HNRNPC: variants seen among roughly 807,000 people sequenced by gnomAD.
HNRNPC encodes heterogeneous nuclear ribonucleoprotein C, also known as heterogeneous nuclear ribonucleoproteins C1/C2.
A neutral mutation model predicts 33.2 loss-of-function variants in HNRNPC; 3 were observed. The observed-to-expected ratio is 0.09, with a 90% confidence interval of 0.04 to 0.23. The LOEUF (loss-of-function observed/expected upper bound fraction) is 0.23. Among genes scored for constraint, HNRNPC ranks in the 10% least tolerant of loss-of-function variants. The pLI is 1.00. For synonymous variants in HNRNPC, 121 were observed against 126.7 expected (o/e 0.96, Z 0.30); for missense variants, 143 against 366.7 (o/e 0.39, Z 4.98).
intron 2 of HNRNPC, chr14:21,254,646 C>T (rs1391060245): frequency 6.6e-6 from 1 of 152,184 alleles, no homozygotes; most frequent in East Asian, 1.9e-4. Flanking sequence ...TGGCTCACGC[C>T]TGTAATCCCA....
Position 21,226,895 on chromosome 14 carries a change from AG to A in HNRNPC, c.365+3423del, listed in dbSNP as rs71313496. On this transcript the variant is annotated intron_variant, in intron 5 of 8. Coordinates refer to ENST00000553300, the MANE Select transcript of HNRNPC (RefSeq NM_004500.4). The stretch of plus-strand genomic sequence containing the variant: ...CTCCATCTCAAAAAAAAAAAAAAAA[AG>A]GGGGGGGGGGGACAGTGATTTTTAC... 8.4e-3 allele frequency among the ~76,000 whole-genome samples: 899 copies of A among 106,462 alleles called. 16 individuals are homozygous for A. Among genetic ancestry groups the A allele is most frequent in the African/African-American group, 0.02 (543 of 26,874 alleles). 69.8% of individuals were successfully genotyped at this position (106,462 alleles called of 152,430 possible). A position where few individuals can be genotyped will look rare whatever the true frequency, so the allele number is the denominator to read the frequency against.
rs1466795497 is a variant in HNRNPC, at chr14:21,231,091, A to T, written c.242-19T>A. ...TTAATATCTGAAAAACAAAAGTAAA[A>T]ATGTTAATGACAACTTTGTATCCGG... is the stretch of plus-strand genomic sequence containing the variant. On this transcript the variant is annotated intron_variant, in intron 3 of 8. Coordinates refer to ENST00000553300, the MANE Select transcript of HNRNPC (RefSeq NM_004500.4). 3.8e-6 allele frequency: 6 copies of T among 1,599,026 alleles called. No individual in the cohort carries two copies. Among genetic ancestry groups the T allele is most frequent in the Non-Finnish European group, 3.4e-6 (4 of 1,168,498 alleles).
At chr14:21,263,041 G>A (rs2139041340) in intron 2 of HNRNPC, 1 of 152,102 alleles carries the variant, frequency 6.6e-6, no homozygotes, top group East Asian at 1.9e-4. Flanking sequence ...AGGTTTACGT[G>A]ATCAAACCAC....
intron 5 of HNRNPC, among the ~76,000 whole-genome samples, chr14:21,214,781 G>C (rs1482132480): frequency 6.6e-6 from 1 of 152,114 alleles, no homozygotes; most frequent in African/African-American, 2.4e-5. Flanking sequence ...TAAAATATCA[G>C]TGTTCAGAAA....
chr14:21,251,458 A>C, intron 2 of HNRNPC, among the ~76,000 whole-genome samples: 1 of 151,826 alleles, frequency 6.6e-6, no homozygotes, highest in African/African-American at 2.4e-5. Flanking sequence ...GCGGGCAGAT[A>C]ACTTGAGGTC....
intron 2 of HNRNPC, among the ~76,000 whole-genome samples, chr14:21,234,457 T>C (rs1316815210): frequency 1.3e-5 from 2 of 152,094 alleles, no homozygotes; most frequent in Non-Finnish European, 2.9e-5. Context: ...TCAGCAGCAC[T>C]AAACTCTAAA....
intron 2 of HNRNPC, among the ~76,000 whole-genome samples, chr14:21,245,794 A>T (rs568018498): frequency 6.6e-6 from 1 of 152,322 alleles, no homozygotes; most frequent in African/African-American, 2.4e-5. Flanking sequence ...GGTGTTCAGG[A>T]TCAGCAAGAT....
At chr14:21,232,498 C>T (rs571188348) in intron 3 of HNRNPC, among the ~76,000 whole-genome samples, 25 of 151,844 alleles carry the variant, frequency 1.6e-4, no homozygotes, top group Non-Finnish European at 2.6e-4. Flanking sequence ...GCCTCCTGAG[C>T]GGCTGGGATT....
chr14:21,214,405 C>T (rs1424971803), intron 5 of HNRNPC, among the ~76,000 whole-genome samples: 1 of 152,132 alleles, frequency 6.6e-6, no homozygotes, highest in Non-Finnish European at 1.5e-5. Flanking sequence ...AGTGTTTCCA[C>T]ACTATTTCAA....
intron 5 of HNRNPC, among the ~76,000 whole-genome samples, chr14:21,216,120 C>CAAAAAAAA (rs370660995): frequency 5.7e-5 from 5 of 87,836 alleles, no homozygotes; most frequent in East Asian, 4.2e-4. Context: ...CCTCCACCAC[C>CAAAAAAAA]AAAAAAAAAA....
chr14:21,246,031 C>T (rs759353689), intron 2 of HNRNPC, among the ~76,000 whole-genome samples: 1 of 151,920 alleles, frequency 6.6e-6, no homozygotes, highest in Non-Finnish European at 1.5e-5. Context: ...ACCATGTTGG[C>T]CAGGCTGCTC....
At chr14:21,237,233 G>T (rs1319375491) in intron 2 of HNRNPC, among the ~76,000 whole-genome samples, 2 of 152,144 alleles carry the variant, frequency 1.3e-5, no homozygotes, top group African/African-American at 4.8e-5. Flanking sequence ...CAACCATTAT[G>T]ACTTTACTAG....
intron 1 of HNRNPC, chr14:21,264,526 A>G (rs1878668899): frequency 6.6e-6 from 1 of 152,324 alleles, no homozygotes; most frequent in South Asian, 2.1e-4. Flanking sequence ...TTTACTATGT[A>G]GCGTGTAAAG....
chr14:21,236,153 T>C (rs1395030305), intron 2 of HNRNPC, among the ~76,000 whole-genome samples: 1 of 152,142 alleles, frequency 6.6e-6, no homozygotes, highest in Non-Finnish European at 1.5e-5. Context: ...TATCAGGCCT[T>C]AATTCTCTCA....
intron 2 of HNRNPC, among the ~76,000 whole-genome samples, chr14:21,249,437 AT>A (rs1352526073): frequency 2.2e-4 from 32 of 145,646 alleles, no homozygotes; most frequent in African/African-American, 7.9e-4. Flanking sequence ...AAAAAAAAAA[AT>A]TAGCCAGGTG....
intron 5 of HNRNPC, 152 bp from the exon 6 acceptor site, chr14:21,213,269 G>C: frequency 1.4e-6 from 1 of 716,310 alleles, no homozygotes. Flanking sequence ...CCTCCACAGT[G>C]GGGTTTAGAA....
intron 1 of HNRNPC, chr14:21,265,060 A>G (rs1878754290): frequency 6.6e-6 from 1 of 152,314 alleles, no homozygotes; most frequent in African/African-American, 2.4e-5. Flanking sequence ...CCTTGAGCCA[A>G]CTATACATGA....
At chr14:21,243,287 G>C (rs776907069) in intron 2 of HNRNPC, among the ~76,000 whole-genome samples, 1 of 152,100 alleles carries the variant, frequency 6.6e-6, no homozygotes, top group African/African-American at 2.4e-5. Context: ...CCACATGGAA[G>C]CTCCTAACTT....
intron 1 of HNRNPC, among the ~76,000 whole-genome samples, chr14:21,266,112 TATC>T (rs935799204): frequency 6.6e-6 from 1 of 152,136 alleles, no homozygotes; most frequent in East Asian, 1.9e-4. Flanking sequence ...AATCAATTAT[TATC>T]ATTTTTTTGA....
Sources: gnomAD v4.1 joint callset for allele counts (sites outside exome capture counted in the v4.1 genomes callset) on GRCh38, gnomAD v4.1.1 for gene constraint, MANE v1.5 for transcripts, NCBI Gene and HGNC (gene_info 2026-07-23, HGNC 2026-07-21) for gene names.